KLHL1: variants seen among roughly 807,000 people sequenced by gnomAD.
KLHL1 encodes the protein kelch-like protein 1.
Under a neutral mutation model 77.7 loss-of-function variants are expected in KLHL1, and 47 were observed. That is an observed-to-expected ratio of 0.60 (90% CI 0.48 to 0.77). The LOEUF (loss-of-function observed/expected upper bound fraction) is 0.77, where lower values mean the gene tolerates loss of function less well. Ranked by LOEUF, KLHL1 falls within the 30% of genes least tolerant of loss-of-function variation. The pLI is 0.00. For missense variants in KLHL1, 925 were observed against 910.8 expected (o/e 1.02, Z -0.20); for synonymous variants, 360 against 325.2 (o/e 1.11, Z -1.15).
At chr13:69,781,285 C>CTTTTTTTTTTTTTTTTTTTTTTT in intron 7 of KLHL1, among the ~76,000 whole-genome samples, 1 of 119,708 alleles carries the variant, frequency 8.4e-6, no homozygotes. Context: ...TTTTTTCTTT[C>CTTTTTTTTTTTTTTTTTTTTTTT]TTTTTTTTTT....
At chr13:69,730,799 C>G (rs1312226684) in intron 8 of KLHL1, among the ~76,000 whole-genome samples, 1 of 152,008 alleles carries the variant, frequency 6.6e-6, no homozygotes, top group Non-Finnish European at 1.5e-5. Flanking sequence ...AGGCTGGTCT[C>G]AAACTGCTGG....
At chr13:69,743,739 T>C (rs1874081944) in intron 7 of KLHL1, among the ~76,000 whole-genome samples, 1 of 151,392 alleles carries the variant, frequency 6.6e-6, no homozygotes, top group South Asian at 2.1e-4. Flanking sequence ...TGAGCCAAGA[T>C]TGTGCCACTA....
At chr13:69,733,336 A>T (rs1171246137) in intron 8 of KLHL1, among the ~76,000 whole-genome samples, 4 of 152,194 alleles carry the variant, frequency 2.6e-5, no homozygotes, top group Admixed American at 1.3e-4. Context: ...AGAGATATTA[A>T]ATTACTTAAG....
chr13:69,852,463 T>C (rs1421459698), intron 5 of KLHL1, among the ~76,000 whole-genome samples: 1 of 151,948 alleles, frequency 6.6e-6, no homozygotes, highest in East Asian at 1.9e-4. Context: ...AATAATGACG[T>C]GGACCTAGTG....
chr13:69,830,009 A>G (rs1484461463), intron 6 of KLHL1, among the ~76,000 whole-genome samples: 1 of 149,946 alleles, frequency 6.7e-6, no homozygotes, highest in Non-Finnish European at 1.5e-5. Context: ...TTAAAGCATA[A>G]ATTTCACCAG....
At chr13:69,929,921 G>T (rs1384661051) in intron 4 of KLHL1, among the ~76,000 whole-genome samples, 4 of 151,818 alleles carry the variant, frequency 2.6e-5, no homozygotes, top group Non-Finnish European at 5.9e-5. Flanking sequence ...AATGTTGTCT[G>T]ATATTGAAGG....
intron 9 of KLHL1, 24 bp downstream of exon 9, chr13:69,719,345 G>T: frequency 6.3e-7 from 1 of 1,599,956 alleles, no homozygotes; most frequent in East Asian, 2.2e-5. Context: ...CTCTTTCGCT[G>T]TAACAGTGTC....
chr13:69,779,346 CTCCTCTTTTTTCCTTTCCT>C, intron 7 of KLHL1, among the ~76,000 whole-genome samples: 1 of 121,766 alleles, frequency 8.2e-6, no homozygotes, highest in African/African-American at 3.1e-5. Context: ...CCTTCCTTCC[CTCCTCTTTTTTCCTTTCCT>C]TCCTCCCCTC....
intron 7 of KLHL1, among the ~76,000 whole-genome samples, chr13:69,754,971 T>C (rs1257883619): frequency 6.6e-6 from 1 of 152,152 alleles, no homozygotes; most frequent in Admixed American, 6.5e-5. Flanking sequence ...CCTGCATCTA[T>C]GACCCTGCAA....
At chr13:69,743,814 CAAAAAAACAGAAAAAAA>C (rs1401541300) in intron 7 of KLHL1, among the ~76,000 whole-genome samples, 3 of 73,874 alleles carry the variant, frequency 4.1e-5, no homozygotes, top group African/African-American at 1.2e-4. Flanking sequence ...CAAAACAAAA[CAAAAAAACAGAAAAAAA>C]AAAAAAACAG....
chr13:69,726,687 ATCAAT>A (rs1164320475), intron 8 of KLHL1, among the ~76,000 whole-genome samples: 2 of 152,176 alleles, frequency 1.3e-5, no homozygotes, highest in Non-Finnish European at 2.9e-5. Context: ...ATTAATTTAG[ATCAAT>A]TCATCATGTA....
At chr13:70,048,893 G>A (rs1372161544) in intron 1 of KLHL1, among the ~76,000 whole-genome samples, 1 of 152,174 alleles carries the variant, frequency 6.6e-6, no homozygotes, top group Non-Finnish European at 1.5e-5. Flanking sequence ...TTTGAAAGGG[G>A]CAGAAAGTAG....
intron 5 of KLHL1, among the ~76,000 whole-genome samples, chr13:69,848,545 A>G (rs1043780057): frequency 4.6e-5 from 7 of 151,716 alleles, no homozygotes; most frequent in African/African-American, 1.7e-4. Flanking sequence ...TTCTGGCCAA[A>G]TTATTTAAGA....
chr13:70,045,099 T>C (rs899087198), intron 1 of KLHL1, among the ~76,000 whole-genome samples: 7 of 152,174 alleles, frequency 4.6e-5, no homozygotes, highest in African/African-American at 1.7e-4. Context: ...ATTTGAACTG[T>C]TACCCCAAAG....
intron 1 of KLHL1, among the ~76,000 whole-genome samples, chr13:70,085,264 A>G (rs1470881780): frequency 6.6e-6 from 1 of 152,200 alleles, no homozygotes. Flanking sequence ...GAGTTATTAC[A>G]CAATTAGGTT....
At chr13:69,743,492 G>T (rs1477620391) in intron 7 of KLHL1, among the ~76,000 whole-genome samples, 1 of 152,052 alleles carries the variant, frequency 6.6e-6, no homozygotes, top group East Asian at 1.9e-4. Flanking sequence ...TGAATAGAAA[G>T]AACAAATCAG....
Position 69,903,082 on chromosome 13 carries a change from A to G in KLHL1, c.1015-20587T>C, listed in dbSNP as rs116101265. ...ATCTATTCAAATAGATGGATTCTCA[A>G]TGGACTCCCTGTGGCTAACTGAGGT... On this transcript the variant is annotated intron_variant, in intron 4 of 10. Transcript: ENST00000377844. Among the ~76,000 whole-genome samples the G allele has an allele frequency of 3.9e-3, 601 of 152,274 alleles. 5 individuals are homozygous for G. Among genetic ancestry groups the G allele is most frequent in the African/African-American group, 0.014 (578 of 41,552 alleles).
intron 7 of KLHL1, among the ~76,000 whole-genome samples, chr13:69,768,958 A>G (rs1875438943): frequency 6.6e-6 from 1 of 152,182 alleles, no homozygotes; most frequent in African/African-American, 2.4e-5. Context: ...TGCAGTTTTT[A>G]TACAAGCTAG....
At chr13:69,832,033 T>G (rs1166917937) in intron 6 of KLHL1, among the ~76,000 whole-genome samples, 1 of 149,724 alleles carries the variant, frequency 6.7e-6, no homozygotes, top group African/African-American at 2.5e-5. Flanking sequence ...CCCTGAGAAG[T>G]GGAACAAGGC....
Sources: allele counts gnomAD v4.1 joint callset (sites outside exome capture counted in the v4.1 genomes callset), GRCh38; gene constraint gnomAD v4.1.1; transcripts MANE v1.5; gene names NCBI Gene and HGNC (gene_info 2026-07-23, HGNC 2026-07-21).